DNAI2: variants seen among roughly 807,000 people sequenced by gnomAD.
DNAI2 encodes dynein axonemal intermediate chain 2, also known as dynein, axonemal, intermediate polypeptide 2.
In DNAI2, 63 loss-of-function variants were observed where a neutral mutation model predicts 74.7. The ratio of observed to expected loss-of-function variants is 0.84; its 90% CI spans 0.69 to 1.04. The LOEUF (loss-of-function observed/expected upper bound fraction) is 1.04. DNAI2 is among the 50% of genes least tolerant of loss of function. The pLI is 0.00. For missense variants in DNAI2, 688 were observed against 803.2 expected, an observed-to-expected ratio of 0.86 and a Z score of 1.73; for synonymous variants, 289 against 314.9, an observed-to-expected ratio of 0.92 and a Z score of 0.87.
chr17:74,311,594 C>A (rs781567619), intron 11 of DNAI2, among the ~76,000 whole-genome samples: 1 of 152,150 alleles, frequency 6.6e-6, no homozygotes, highest in Non-Finnish European at 1.5e-5. Context: ...GCCTGGGCAA[C>A]AAGAGTGAAA....
chr17:74,291,133 G>C lies in DNAI2; in HGVS notation c.724G>C (p.Ala242Pro). The stretch of plus-strand genomic sequence containing the variant: ...GGGTGGCTGCTACAATGGACAGATA[G>C]GTAAGGAGGGACCTAGGCTTTTTTA... ...LLGGCYNGQI[A>P]CWDTRKGSLV... The change falls in exon 6 of 14, where the codon GCC becomes CCC. Residue 242 changes from alanine (A) to proline (P), a missense_variant and splice_region_variant. Ala to Pro is a conservative substitution (Grantham distance 27). Transcript: ENST00000311014. 1 of 1,600,488 alleles carries C rather than the reference G, an allele frequency of 6.2e-7. No homozygotes were observed. The highest frequency in any genetic ancestry group is 8.6e-7 in the Non-Finnish European group (1 of 1,167,614).
At chr17:74,286,183 C>T (rs1385241250) in intron 3 of DNAI2, among the ~76,000 whole-genome samples, 1 of 151,364 alleles carries the variant, frequency 6.6e-6, no homozygotes, top group Non-Finnish European at 1.5e-5. Flanking sequence ...GTAGTCCCAG[C>T]TACTTAGGAG....
chr17:74,312,191 G>T lies in DNAI2; in HGVS notation c.1683G>T (p.Lys561Asn). Residue 561 changes from lysine (K) to asparagine (N), a missense_variant, in exon 12 of 14, where the codon AAG (lysine) becomes AAT (asparagine). Lys to Asn is a moderately conservative substitution (Grantham distance 94). Coordinates refer to ENST00000311014, the MANE Select transcript of DNAI2 (RefSeq NM_023036.6). ...TCGACATCATCTTCGCAGAGCTGAA[G>T]AAGAAGGAGGCAGACGCCATAAAGC... ...EFFDIIFAEL[K>N]KKEADAIKLT... 1 of 1,600,118 alleles carries T rather than the reference G, an allele frequency of 6.2e-7. No individual in the cohort carries two copies. The highest frequency in any genetic ancestry group is 8.5e-7 in the Non-Finnish European group (1 of 1,175,770).
At chr17:74,299,574 A>G (rs1377661441) in intron 6 of DNAI2, 144 bp from the exon 7 acceptor site, 5 of 1,042,990 alleles carry the variant, frequency 4.8e-6, no homozygotes, top group Non-Finnish European at 5.6e-6. Context: ...TAGGAAACTC[A>G]GGCTGATTTG....
chr17:74,287,026 A>T lies in DNAI2; in HGVS notation c.395A>T (p.Glu132Val), dbSNP rs929164251. ...AACAATGCCATTGACATCTATGAAGAGTATTTCAATGACGAGGAGGCCATG... is the reference window on the plus strand; with the variant it reads ...AACAATGCCATTGACATCTATGAAGTGTATTTCAATGACGAGGAGGCCATG... ...KQNNAIDIYE[E>V]YFNDEEAMEV... The change falls in exon 4 of 14, where the codon GAG becomes GTG. Residue 132 changes from glutamate (E) to valine (V), a missense_variant. Transcript: ENST00000311014. 3.7e-6 allele frequency: 6 copies of T among 1,613,786 alleles called. No homozygotes were observed. The highest frequency in any genetic ancestry group is 1.3e-5 in the African/African-American group (1 of 74,920).
chr17:74,310,053 G>C lies in DNAI2; in HGVS notation c.1384G>C (p.Asp462His). 1 of 1,613,892 alleles carries C rather than the reference G, an allele frequency of 6.2e-7. No individual in the cohort carries two copies. The highest frequency in any genetic ancestry group is 8.5e-7 in the Non-Finnish European group (1 of 1,180,038). Residue 462 changes from aspartate to histidine, a missense_variant, in exon 11 of 14, where the codon GAC becomes CAC. Asp to His is a moderately conservative substitution (Grantham distance 81). Coordinates refer to ENST00000311014, the MANE Select transcript of DNAI2 (RefSeq NM_023036.6). Reference sequence around the variant, plus strand: ...GGCCCTCTTCTGCCTCCGGGTGCAGGACAATGGGTGTCTCATCGCCTGCGG... The same window carrying C: ...GGCCCTCTTCTGCCTCCGGGTGCAGCACAATGGGTGTCTCATCGCCTGCGG... ...DEALFCLRVQ[D>H]NGCLIACGSQ...
chr17:74,301,937 AGG>A (rs1234610597), intron 8 of DNAI2, among the ~76,000 whole-genome samples: 8 of 24,160 alleles, frequency 3.3e-4, no homozygotes, highest in African/African-American at 5.4e-4. Context: ...GAAGGAAGGA[AGG>A]AAGGAAGGAA....
chr17:74,295,656 T>C (rs375716674), intron 6 of DNAI2, among the ~76,000 whole-genome samples: 1 of 149,830 alleles, frequency 6.7e-6, no homozygotes, highest in Non-Finnish European at 1.5e-5. Context: ...ATTTTTTTTT[T>C]ATTAAAAACT....
Position 74,309,261 on chromosome 17 carries a change from T to C in DNAI2, c.1220T>C (p.Met407Thr). The change falls in exon 10 of 14, where the codon ATG (methionine) becomes ACG (threonine). Residue 407 changes from methionine (M) to threonine (T), a missense_variant. Physicochemically the swap from Met to Thr is moderately conservative, Grantham distance 81. Coordinates refer to ENST00000311014, the MANE Select transcript of DNAI2 (RefSeq NM_023036.6). ...TGGTCTACCTCCCACAGGTACCACATGGCTTACCTCACTGATGCTGCCTGG... is the reference window on the plus strand; with the variant it reads ...TGGTCTACCTCCCACAGGTACCACACGGCTTACCTCACTGATGCTGCCTGG... ...ESSIMWTKYHMAYLTDAAWSP... is the reference protein window; with the variant it reads ...ESSIMWTKYHTAYLTDAAWSP... The C allele has an allele frequency of 6.2e-7, 1 of 1,614,110 alleles. No individual in the cohort carries two copies. Among genetic ancestry groups the C allele is most frequent in the Non-Finnish European group, 8.5e-7 (1 of 1,180,018 alleles).
chr17:74,280,143 G>A (rs553978334), intron 1 of DNAI2, among the ~76,000 whole-genome samples: 1 of 152,360 alleles, frequency 6.6e-6, no homozygotes, highest in Admixed American at 6.5e-5. Context: ...GTGGAGTCTA[G>A]TGATGTCATG....
chr17:74,292,957 G>A (rs1485403361), intron 6 of DNAI2, among the ~76,000 whole-genome samples: 1 of 151,974 alleles, frequency 6.6e-6, no homozygotes, highest in African/African-American at 2.4e-5. Context: ...AGCCTTCCGA[G>A]TAGCTGGGAC....
At chr17:74,280,105 G>A (rs2051310265) in intron 1 of DNAI2, among the ~76,000 whole-genome samples, 1 of 152,180 alleles carries the variant, frequency 6.6e-6, no homozygotes, top group Non-Finnish European at 1.5e-5. Context: ...GCCAACCACT[G>A]AACTCATTGA....
intron 4 of DNAI2, 93 bp downstream of exon 4, chr17:74,287,191 C>T (rs562907695): frequency 1.3e-6 from 2 of 1,522,202 alleles, no homozygotes; most frequent in East Asian, 2.4e-5. Context: ...GCTGCATGCC[C>T]TGGGTGCAGC....
chr17:74,298,627 G>A (rs1308213625), intron 6 of DNAI2, among the ~76,000 whole-genome samples: 2 of 152,000 alleles, frequency 1.3e-5, no homozygotes, highest in East Asian at 3.9e-4. Flanking sequence ...TTTTGAGACA[G>A]GGTCTTGCTC....
intron 2 of DNAI2, among the ~76,000 whole-genome samples, chr17:74,283,207 G>GGGGTT (rs1316974275): frequency 2.0e-5 from 3 of 152,232 alleles, no homozygotes; most frequent in African/African-American, 7.2e-5. Flanking sequence ...GGAACTAGGT[G>GGGGTT]GGGTTGATGG....
In DNAI2 at chr17:74,291,152, T is replaced by C; in HGVS notation, c.724+19T>C. The C allele has an allele frequency of 4.5e-6, 7 of 1,541,274 alleles. No homozygotes were observed. The highest frequency in any genetic ancestry group is 6.3e-6 in the Non-Finnish European group (7 of 1,119,294). ...CAGATAGGTAAGGAGGGACCTAGGCTTTTTTATTTTTATTTTTATTTTTTT... is the reference window on the plus strand; with the variant it reads ...CAGATAGGTAAGGAGGGACCTAGGCCTTTTTATTTTTATTTTTATTTTTTT... On this transcript the variant is annotated intron_variant, in intron 6 of 13. Transcript: ENST00000311014.
At chr17:74,293,340 G>A (rs2052241579) in intron 6 of DNAI2, among the ~76,000 whole-genome samples, 1 of 151,938 alleles carries the variant, frequency 6.6e-6, no homozygotes, top group South Asian at 2.1e-4. Flanking sequence ...ATGTTATTAG[G>A]TACATGCACA....
chr17:74,299,595 T>G lies in DNAI2; in HGVS notation c.725-123T>G, dbSNP rs1209035432. On this transcript the variant is annotated intron_variant, in intron 6 of 13. Coordinates refer to ENST00000311014, the MANE Select transcript of DNAI2 (RefSeq NM_023036.6). ...ACTCAGGCTGATTTGAACCAAGCCCTGATTCTAGAAAACCACATACCTGCC... is the reference window on the plus strand; with the variant it reads ...ACTCAGGCTGATTTGAACCAAGCCCGGATTCTAGAAAACCACATACCTGCC... 3 of 1,311,612 alleles carry G rather than the reference T, an allele frequency of 2.3e-6. No homozygotes were observed. The African/African-American group carries it at 4.4e-5, about 19-fold the overall frequency. 81.2% of individuals were successfully genotyped at this position (1,311,612 alleles called of 1,614,324 possible). A position where few individuals can be genotyped will look rare whatever the true frequency, so the allele number is the denominator to read the frequency against.
chr17:74,275,980 T>A (rs1179555642), intron 1 of DNAI2, among the ~76,000 whole-genome samples: 1 of 152,124 alleles, frequency 6.6e-6, no homozygotes, highest in Non-Finnish European at 1.5e-5. Context: ...GTAGGGGCTG[T>A]ACCAGGGACC....
Sources: gnomAD v4.1 joint callset for allele counts (sites outside exome capture counted in the v4.1 genomes callset) on GRCh38, gnomAD v4.1.1 for gene constraint, MANE v1.5 for transcripts, NCBI Gene and HGNC (gene_info 2026-07-23, HGNC 2026-07-21) for gene names.